TP63: variants seen among roughly 807,000 people sequenced by gnomAD.
The protein encoded by TP63 is tumor protein p63.
TP63 carries 17 observed loss-of-function variants against 82.8 expected under a neutral mutation model. The ratio of observed to expected loss-of-function variants is 0.21; its 90% confidence interval spans 0.14 to 0.31. TP63 has a LOEUF of 0.31. Among genes scored for constraint, TP63 ranks in the 10% least tolerant of loss-of-function variants. The pLI, the probability that TP63 is intolerant of heterozygous loss-of-function variation, is 1.00. For missense variants in TP63, 648 were observed against 895.3 expected (o/e 0.72, Z 3.52); for synonymous variants, 330 against 321.7 (o/e 1.03, Z -0.28).
chr3:189,615,311 G>T, the TP63 span, among the ~76,000 whole-genome samples: 5 of 152,110 alleles, frequency 3.3e-5, no homozygotes, highest in East Asian at 9.6e-4. Flanking sequence ...CACCTGGCAT[G>T]TTCCTCCCTC....
rs147609375 is a variant in TP63, at chr3:189,655,645, A to T, written c.62+24068A>T. ...TCAAAAAAAAAGAAAAAATAAAATA[A>T]ATCTGGAGAGACAGATGCACATAGA... On this transcript the variant is annotated intron_variant, in intron 1 of 13. Coordinates refer to ENST00000264731, the MANE Select transcript of TP63 (RefSeq NM_003722.5). Among the ~76,000 whole-genome samples, 3 of 152,260 alleles carry T rather than the reference A, an allele frequency of 2.0e-5. No homozygotes were observed. In the East Asian group the frequency reaches 5.8e-4, roughly 29 times the overall value.
chr3:189,667,134 C>A (rs766923587), intron 1 of TP63, among the ~76,000 whole-genome samples: 2 of 149,474 alleles, frequency 1.3e-5, no homozygotes, highest in African/African-American at 4.9e-5. Context: ...AAGCATAGCA[C>A]GACAGTCCCA....
chr3:189,623,674 T>G, the TP63 span, among the ~76,000 whole-genome samples: 26 of 152,188 alleles, frequency 1.7e-4, no homozygotes, highest in Admixed American at 1.7e-3. Context: ...TAATCAGCTA[T>G]CAAATCAATG....
chr3:189,738,917 G>A, intron 3 of TP63, 143 bp downstream of exon 3: 2 of 1,265,726 alleles, frequency 1.6e-6, no homozygotes, highest in Non-Finnish European at 2.2e-6. Flanking sequence ...TGTTAGCTGA[G>A]AGAAGATTTG....
At chr3:189,824,558 G>A (rs1044518819) in intron 4 of TP63, among the ~76,000 whole-genome samples, 3 of 152,040 alleles carry the variant, frequency 2.0e-5, no homozygotes, top group Non-Finnish European at 2.9e-5. Flanking sequence ...AGGCTGTGCC[G>A]GGGCTGCTGT....
At chr3:189,773,569 A>G (rs1723534533) in intron 3 of TP63, among the ~76,000 whole-genome samples, 1 of 152,244 alleles carries the variant, frequency 6.6e-6, no homozygotes, top group African/African-American at 2.4e-5. Flanking sequence ...GCTGATTCCT[A>G]GGAGAGTTAA....
chr3:189,783,933 G>T (rs973238737), intron 3 of TP63, among the ~76,000 whole-genome samples: 1 of 151,748 alleles, frequency 6.6e-6, no homozygotes, highest in Non-Finnish European at 1.5e-5. Context: ...ACTTTTAGTT[G>T]TAGGAGTACT....
chr3:189,630,565 T>G (rs1289662376), upstream of TP63, among the ~76,000 whole-genome samples: 1 of 152,110 alleles, frequency 6.6e-6, no homozygotes, highest in Non-Finnish European at 1.5e-5. Flanking sequence ...ACTGAGAGAT[T>G]AAAATAAACT....
At position 189,726,761 on chromosome 3, in the gene TP63, T is replaced by A. The variant is rs1227850270; in HGVS notation, c.63-10979T>A. Among the ~76,000 whole-genome samples, 21 of 152,224 alleles carry A rather than the reference T, an allele frequency of 1.4e-4. 1 individual carries two copies. Among genetic ancestry groups the A allele is most frequent in the Non-Finnish European group, 2.8e-4 (19 of 68,036 alleles). On this transcript the variant is annotated intron_variant, in intron 1 of 13. Transcript: ENST00000264731. ...TATTAGCCCAGTGATCTCCCACCTT[T>A]ATTTTGTACTCCACATATAATGGTC...
intron 4 of TP63, among the ~76,000 whole-genome samples, chr3:189,819,118 T>C (rs912687595): frequency 2.0e-5 from 3 of 152,202 alleles, no homozygotes; most frequent in African/African-American, 7.2e-5. Flanking sequence ...GGAATAACTT[T>C]TTCTATATTC....
chr3:189,852,130 G>T (rs1288497352), intron 4 of TP63, among the ~76,000 whole-genome samples: 1 of 152,174 alleles, frequency 6.6e-6, no homozygotes, highest in Non-Finnish European at 1.5e-5. Flanking sequence ...ATTTAAATAG[G>T]ATTTTTTAAC....
chr3:189,746,452 G>A (rs7619526), intron 3 of TP63, among the ~76,000 whole-genome samples: 94,131 of 151,260 alleles, frequency 0.62, 29,407 homozygotes, highest in African/African-American at 0.69. Context: ...GATATTTACC[G>A]TCAAGAAAAC....
At chr3:189,637,066 A>G (rs2108611162) in intron 1 of TP63, among the ~76,000 whole-genome samples, 1 of 152,042 alleles carries the variant, frequency 6.6e-6, no homozygotes, top group Non-Finnish European at 1.5e-5. Flanking sequence ...CCAACCCTGG[A>G]CTGGATGCTA....
chr3:189,710,514 T>G (rs1006591139), intron 1 of TP63, among the ~76,000 whole-genome samples: 19 of 152,210 alleles, frequency 1.2e-4, no homozygotes, highest in African/African-American at 4.6e-4. Context: ...CCTCAATATT[T>G]CCATTACTGC....
chr3:189,782,764 A>G (rs987556666), intron 3 of TP63, among the ~76,000 whole-genome samples: 3 of 152,138 alleles, frequency 2.0e-5, no homozygotes, highest in African/African-American at 7.2e-5. Context: ...AGACCAGTCA[A>G]TGGGAGTACA....
rs77533283 is a variant in TP63 at position 189,676,229 on chromosome 3, A to G, written c.62+44652A>G. ...AGTATACAATATAAAATTATTAACT[A>G]TACTCATTATGCTGTACATTAAGTC... On this transcript the variant is annotated intron_variant, in intron 1 of 13. Transcript: ENST00000264731. Among the ~76,000 whole-genome samples, 256 of 152,222 alleles carry G rather than the reference A, an allele frequency of 1.7e-3. 5 individuals carry two copies. In the East Asian group the frequency reaches 0.04, roughly 24 times the overall value.
At chr3:189,830,972 T>C (rs2037130) in intron 4 of TP63, among the ~76,000 whole-genome samples, 14,416 of 152,248 alleles carry the variant, frequency 0.095, 902 homozygotes, top group Middle Eastern at 0.18. Flanking sequence ...ACTACAATAC[T>C]AGGGAAATGG....
At chr3:189,851,911 C>G (rs1198503091) in intron 4 of TP63, among the ~76,000 whole-genome samples, 3 of 152,114 alleles carry the variant, frequency 2.0e-5, no homozygotes, top group Non-Finnish European at 4.4e-5. Context: ...AGAACTTACC[C>G]TGCAGGGAGT....
chr3:189,714,808 A>G (rs982334771), intron 1 of TP63, among the ~76,000 whole-genome samples: 23 of 152,334 alleles, frequency 1.5e-4, no homozygotes, highest in Non-Finnish European at 2.8e-4. Flanking sequence ...ATACATGTAC[A>G]CATTCATATA....
Sources: allele counts gnomAD v4.1 joint callset (sites outside exome capture counted in the v4.1 genomes callset), GRCh38; gene constraint gnomAD v4.1.1; transcripts MANE v1.5; gene names NCBI Gene and HGNC (gene_info 2026-07-23, HGNC 2026-07-21).